Variants in PLXNA1 observed in about 807,000 individuals in gnomAD.
The protein encoded by PLXNA1 is plexin-A1.
Under a neutral mutation model 191.7 loss-of-function variants are expected in PLXNA1, and 77 were observed. The observed-to-expected ratio is 0.40, with a 90% CI of 0.33 to 0.49. The LOEUF (loss-of-function observed/expected upper bound fraction) is 0.49, where lower values mean the gene tolerates loss of function less well. Ranked by LOEUF, PLXNA1 falls within the 20% of genes least tolerant of loss-of-function variation. The pLI, the probability that PLXNA1 is intolerant of heterozygous loss-of-function variation, is 0.63. For missense variants in PLXNA1, 2,110 were observed against 2,660.2 expected (o/e 0.79, Z 4.55); for synonymous variants, 1,137 against 1,156.4 (o/e 0.98, Z 0.34).
Position 127,014,778 on chromosome 3 carries a change from C to G in PLXNA1, c.2824C>G (p.Arg942Gly). Residue 942 changes from arginine to glycine, a missense_variant, in exon 14 of 32, where the codon CGG becomes GGG. Arg to Gly is a moderately radical substitution (Grantham distance 125). This residue lies in a region of PLXNA1 where 644 missense variants were observed against 714.3 expected (regional missense o/e 0.90). Transcript: ENST00000393409. ...TGACGCCCTGGTGGAGGTGTGTGTG[C>G]GGGACTGCTCACCACACTACCGCGC... ...AHDALVEVCV[R>G]DCSPHYRALS... The G allele has an allele frequency of 6.2e-7, 1 of 1,612,616 alleles. No individual in the cohort carries two copies. Among genetic ancestry groups the G allele is most frequent in the South Asian group, 1.1e-5 (1 of 91,046 alleles).
intron 9 of PLXNA1, among the ~76,000 whole-genome samples, chr3:127,008,228 G>C (rs2079078321): frequency 6.6e-6 from 1 of 152,156 alleles, no homozygotes; most frequent in African/African-American, 2.4e-5. Flanking sequence ...CTGTGTGGGG[G>C]CTGCAGACAC....
chr3:127,021,288 G>A (rs1023319959), intron 21 of PLXNA1, among the ~76,000 whole-genome samples: 18 of 152,196 alleles, frequency 1.2e-4, no homozygotes, highest in Non-Finnish European at 1.8e-4. Context: ...CATTTGCTGT[G>A]TCTGTCACAC....
At position 127,014,590 on chromosome 3, in the gene PLXNA1, T is replaced by C. The variant is rs760346672; in HGVS notation, c.2717T>C (p.Leu906Pro). 1.2e-6 allele frequency: 2 copies of C among 1,613,254 alleles called. No homozygotes were observed. Among genetic ancestry groups the C allele is most frequent in the East Asian group, 2.2e-5 (1 of 44,860 alleles). Residue 906 changes from leucine to proline, a missense_variant, in exon 13 of 32, where the codon CTG becomes CCG. By Grantham distance (98) the Leu-to-Pro change is moderately conservative. Coordinates refer to ENST00000393409, the MANE Select transcript of PLXNA1 (RefSeq NM_032242.4). ...CTGGGCGTGCGCGTGGGCAAGGTGCTGTGCAGCCCTGTGGAGAGCGAGTAC... is the reference window on the plus strand; with the variant it reads ...CTGGGCGTGCGCGTGGGCAAGGTGCCGTGCAGCCCTGTGGAGAGCGAGTAC... ...VRLGVRVGKVLCSPVESEYIS... is the reference protein window; with the variant it reads ...VRLGVRVGKVPCSPVESEYIS...
chr3:127,003,518 C>T (rs995828274), intron 4 of PLXNA1, 48 bp downstream of exon 4: 5 of 1,541,080 alleles, frequency 3.2e-6, no homozygotes, highest in South Asian at 2.4e-5. Context: ...GGGGGCCCTC[C>T]TACCAGGAAC....
intron 7 of PLXNA1, among the ~76,000 whole-genome samples, chr3:127,005,851 G>A (rs752940857): frequency 5.9e-5 from 9 of 152,148 alleles, no homozygotes; most frequent in Non-Finnish European, 1.0e-4. Flanking sequence ...CAGCCTGGGG[G>A]CCTGGGGAGA....
chr3:127,016,155 G>GGCCTGCT (rs2079122426), intron 15 of PLXNA1, among the ~76,000 whole-genome samples: 1 of 152,114 alleles, frequency 6.6e-6, no homozygotes, highest in African/African-American at 2.4e-5. Flanking sequence ...GCGTGGGACG[G>GGCCTGCT]GCCTGCTGCC....
chr3:127,028,505 T>C (rs1284477117), intron 25 of PLXNA1, among the ~76,000 whole-genome samples, 165 bp downstream of exon 25: 1 of 151,982 alleles, frequency 6.6e-6, no homozygotes, highest in Non-Finnish European at 1.5e-5. Context: ...AGGTTGGGTA[T>C]AGAGGGTGGC....
rs773918050 is a variant in PLXNA1 at position 127,014,047 on chromosome 3, G to A, written c.2341G>A (p.Asp781Asn). The A allele has an allele frequency of 7.6e-5, 122 of 1,613,742 alleles. No individual in the cohort carries two copies. Among genetic ancestry groups the A allele is most frequent in the African/African-American group, 1.2e-4 (9 of 74,924 alleles). The change falls in exon 11 of 32, where the codon GAC becomes AAC. Residue 781 changes from aspartate (D) to asparagine (N), a missense_variant. Asp to Asn is a conservative substitution (Grantham distance 23, BLOSUM62 1). This residue lies in a region of PLXNA1 where 644 missense variants were observed against 714.3 expected (regional missense o/e 0.90). Coordinates refer to ENST00000393409, the MANE Select transcript of PLXNA1 (RefSeq NM_032242.4). ...CTCCTACGAGGGGAACGATGTCAGCGACCTGCCAGTGAACCTGTCAGTCGT... is the reference window on the plus strand; with the variant it reads ...CTCCTACGAGGGGAACGATGTCAGCAACCTGCCAGTGAACCTGTCAGTCGT... ...SYSYEGNDVS[D>N]LPVNLSVVWN...
intron 22 of PLXNA1, 78 bp from the exon 23 acceptor site, chr3:127,022,674 T>C: frequency 7.5e-7 from 1 of 1,325,784 alleles, no homozygotes. Context: ...GTGGGATCGG[T>C]GAGTGAGGCC....
rs1106863 is a variant in PLXNA1 at position 126,988,533 on chromosome 3, T to C, written c.-61T>C. 463,163 of 1,393,964 alleles carry C rather than the reference T, an allele frequency of 0.33. 80,131 individuals are homozygous for C. Among genetic ancestry groups the C allele is most frequent in the African/African-American group, 0.59 (40,446 of 68,898 alleles). The allele number at this position is 1,393,964 out of a possible 1,614,324, so 86.3% of individuals were successfully genotyped here. On this transcript the variant is annotated 5_prime_UTR_variant, in exon 2 of 32. Transcript: ENST00000393409. ...GCCCCTTCCCCAGGGCTGAAGCTCCTGGCACCATGATGCTCACCCCAGCAG... is the reference window on the plus strand; with the variant it reads ...GCCCCTTCCCCAGGGCTGAAGCTCCCGGCACCATGATGCTCACCCCAGCAG...
chr3:126,989,386 A>T lies in PLXNA1; in HGVS notation c.793A>T (p.Thr265Ser). The change falls in exon 2 of 32, where the codon ACA becomes TCA. Residue 265 changes from threonine (T) to serine (S), a missense_variant. Physicochemically the swap from Thr to Ser is moderately conservative, Grantham distance 58 (BLOSUM62 1). Transcript: ENST00000393409. ...FVYYLTLQLD[T>S]QLTSPDAAGE... ...CTACTACCTCACGCTGCAGCTAGAC[A>T]CACAGCTGACCTCGCCTGATGCCGC... The T allele has an allele frequency of 6.2e-7, 1 of 1,613,564 alleles. No individual in the cohort carries two copies. The highest frequency in any genetic ancestry group is 8.5e-7 in the Non-Finnish European group (1 of 1,180,044).
intron 3 of PLXNA1, among the ~76,000 whole-genome samples, chr3:127,002,043 C>G (rs1004215177): frequency 6.6e-6 from 1 of 152,256 alleles, no homozygotes; most frequent in Admixed American, 6.5e-5. Flanking sequence ...CAGGCAGGCA[C>G]GGGTGCACTT....
Position 127,007,905 on chromosome 3 carries a change from G to A in PLXNA1, c.2104G>A (p.Val702Met), listed in dbSNP as rs768224356. 8.1e-6 allele frequency: 13 copies of A among 1,608,642 alleles called. No individual in the cohort carries two copies. The highest frequency in any genetic ancestry group is 2.2e-5 in the South Asian group (2 of 90,432). The change falls in exon 9 of 32, where the codon GTG becomes ATG. Residue 702 changes from valine (V) to methionine (M), a missense_variant. Coordinates refer to ENST00000393409, the MANE Select transcript of PLXNA1 (RefSeq NM_032242.4). Reference sequence around the variant, plus strand: ...CGCCTTCCTGGAGGGCCGTGTCAACGTGTCTGAGGTAAGGCCGGGCAAGGG... The same window carrying A: ...CGCCTTCCTGGAGGGCCGTGTCAACATGTCTGAGGTAAGGCCGGGCAAGGG... ...DCAFLEGRVN[V>M]SEDCPQILPS...
intron 22 of PLXNA1, 80 bp downstream of exon 22, chr3:127,022,421 G>A: frequency 6.5e-7 from 1 of 1,532,542 alleles, no homozygotes; most frequent in Admixed American, 1.8e-5. Context: ...CAGGCCCAGA[G>A]ACGTTGCTGT....
At position 127,018,475 on chromosome 3, in the gene PLXNA1, T is replaced by C; in HGVS notation, c.3842T>C (p.Leu1281Pro). Residue 1281 changes from leucine (L) to proline (P), a missense_variant, in exon 20 of 32, where the codon CTG (leucine) becomes CCG (proline). Physicochemically the swap from Leu to Pro is moderately conservative, Grantham distance 98. This residue lies in a region of PLXNA1 where 559 missense variants were observed against 911.5 expected (regional missense o/e 0.61). Transcript: ENST00000393409. ...GATGCTGACCGCACACTCAAGCGGC[T>C]GCAGCTCCAGATGGACAACCTGGAG... Reference protein sequence around the residue: ...SRDADRTLKRLQLQMDNLESR... With the variant: ...SRDADRTLKRPQLQMDNLESR... 1.2e-6 allele frequency: 2 copies of C among 1,612,698 alleles called. No individual in the cohort carries two copies. Among genetic ancestry groups the C allele is most frequent in the Non-Finnish European group, 1.7e-6 (2 of 1,179,702 alleles).
At chr3:126,995,212 G>A (rs1448146097) in intron 3 of PLXNA1, among the ~76,000 whole-genome samples, 1 of 152,140 alleles carries the variant, frequency 6.6e-6, no homozygotes, top group Non-Finnish European at 1.5e-5. Flanking sequence ...CCTTTCACCA[G>A]AGCCCTGCCT....
Position 127,035,706 on chromosome 3 carries a change from C to CATTA in PLXNA1, c.*1690_*1691insTTAA, listed in dbSNP as rs1308175640. ...CGAAGATCCCATGGACATTAAGGGA[C>CATTA]AGCTAACTGTGGCCAGACTCAGCCC... On this transcript the variant is annotated 3_prime_UTR_variant, in exon 32 of 32. Coordinates refer to ENST00000393409, the MANE Select transcript of PLXNA1 (RefSeq NM_032242.4). 2 of 152,532 alleles carry CATTA rather than the reference C, an allele frequency of 1.3e-5. No homozygotes were observed. Among genetic ancestry groups the CATTA allele is most frequent in the African/African-American group, 4.8e-5 (2 of 41,442 alleles). The allele number at this position is 152,532 out of a possible 1,614,324, so 9.4% of individuals were successfully genotyped here. A position where few individuals can be genotyped will look rare whatever the true frequency, so the allele number is the denominator to read the frequency against.
chr3:127,022,700 C>T (rs780548832), intron 22 of PLXNA1, 52 bp from the exon 23 acceptor site: 11 of 1,532,832 alleles, frequency 7.2e-6, no homozygotes, highest in Non-Finnish European at 9.0e-7. Flanking sequence ...GGGCCCTGTG[C>T]CTGCTGGACA....
chr3:126,988,826 T>C lies in PLXNA1; in HGVS notation c.233T>C (p.Leu78Pro). The change falls in exon 2 of 32, where the codon CTG becomes CCG. Residue 78 changes from leucine (L) to proline (P), a missense_variant. Physicochemically the swap from Leu to Pro is moderately conservative, Grantham distance 98. Around this residue, in one of 4 missense-constraint regions of PLXNA1, gnomAD observed 903 missense variants for 1,015.7 expected, o/e 0.89. Transcript: ENST00000393409. ...VNRIYKLSGN[L>P]TLLRAHVTGP... ...CGCATCTATAAGCTGTCGGGGAACCTGACACTGCTGCGGGCCCACGTCACG... is the reference window on the plus strand; with the variant it reads ...CGCATCTATAAGCTGTCGGGGAACCCGACACTGCTGCGGGCCCACGTCACG... 6.2e-7 allele frequency: 1 copy of C among 1,613,426 alleles called. No individual in the cohort carries two copies.
Sources: gnomAD v4.1 joint callset for allele counts (sites outside exome capture counted in the v4.1 genomes callset) on GRCh38, gnomAD v4.1.1 for gene constraint, gnomAD v4.1.1 regional missense constraint, MANE v1.5 for transcripts, NCBI Gene and HGNC (gene_info 2026-07-23, HGNC 2026-07-21) for gene names.